The following AP3S2 variants were observed in gnomAD, a reference collection of about 807,000 sequenced individuals.
The protein encoded by AP3S2 is adaptor related protein complex 3 subunit sigma 2.
AP3S2 carries 22 observed loss-of-function variants against 23.4 expected under a neutral mutation model. That is an observed-to-expected ratio of 0.94 (90% CI 0.67 to 1.34). The LOEUF (loss-of-function observed/expected upper bound fraction) is 1.34. Among genes scored for constraint, AP3S2 ranks in the 40% most tolerant of loss-of-function variants. AP3S2 has a pLI of 0.00. For synonymous variants in AP3S2, 86 were observed against 87.1 expected, an observed-to-expected ratio of 0.99 and a Z score of 0.07; for missense variants, 241 against 236.9, an observed-to-expected ratio of 1.02 and a Z score of -0.11.
chr15:89,873,763 A>G (rs1456786121), intron 3 of AP3S2, among the ~76,000 whole-genome samples: 1 of 150,716 alleles, frequency 6.6e-6, no homozygotes, highest in East Asian at 2.0e-4. Context: ...CAAGGCTGTG[A>G]GTGTTTTTGT....
intron 3 of AP3S2, among the ~76,000 whole-genome samples, chr15:89,874,928 CA>C (rs575055482): frequency 1.4e-4 from 21 of 152,178 alleles, no homozygotes; most frequent in Non-Finnish European, 2.1e-4. Context: ...GGGGAAAAGA[CA>C]AGCTAACTGA....
At chr15:89,887,400 C>T (rs899743270) in intron 3 of AP3S2, among the ~76,000 whole-genome samples, 3 of 151,804 alleles carry the variant, frequency 2.0e-5, no homozygotes, top group African/African-American at 7.3e-5. Flanking sequence ...GAGACGGAGT[C>T]TCGCCCTGTC....
rs369787936 is a variant in AP3S2, at chr15:89,893,836, T to C, written c.69+45A>G. 1,243 of 1,548,236 alleles carry C rather than the reference T, an allele frequency of 8.0e-4. 6 individuals are homozygous for C. In the African/African-American group the frequency reaches 0.013, roughly 17 times the overall value. On this transcript the variant is annotated intron_variant, in intron 1 of 5. Transcript: ENST00000336418. ...GAGAGGCCAAAGAGGAGGGAAGACA[T>C]AGTGGGCGCCCTGAAGGGGCGTGGT...
At position 89,888,976 on chromosome 15, in the gene AP3S2, C is replaced by T. The variant is rs961872727; in HGVS notation, c.161+73G>A. On this transcript the variant is annotated intron_variant, in intron 2 of 5. Coordinates refer to ENST00000336418, the MANE Select transcript of AP3S2 (RefSeq NM_005829.5). ...CAAGTACCCACCTGACACTTGAGTA[C>T]TGTCAGAAGATGCAATAATGAAGGC... The T allele has an allele frequency of 2.6e-6, 4 of 1,558,638 alleles. No homozygotes were observed. The African/African-American group carries it at 5.4e-5, about 21-fold the overall frequency.
At position 89,835,623 on chromosome 15, in the gene AP3S2, A is replaced by T; in HGVS notation, c.474T>A (p.Pro158=). ...EKSEGGLSAA[P]ARAVSAVKNI... The stretch of plus-strand genomic sequence containing the variant: ...TTTTCACAGCAGACACAGCCCGCGC[A>T]GGGGCTGCTGAAAGGCCACCCTAAG... The change falls in exon 6 of 6, where the codon CCT becomes CCA. Residue 158 remains proline, a synonymous_variant. Coordinates refer to ENST00000336418, the MANE Select transcript of AP3S2 (RefSeq NM_005829.5). 6 of 1,608,416 alleles carry T rather than the reference A, an allele frequency of 3.7e-6. No homozygotes were observed. Among genetic ancestry groups the T allele is most frequent in the Non-Finnish European group, 4.2e-6 (5 of 1,177,278 alleles).
intron 4 of AP3S2, 41 bp from the exon 5 acceptor site, chr15:89,837,763 G>A (rs758842886): frequency 1.9e-6 from 3 of 1,609,186 alleles, no homozygotes; most frequent in East Asian, 4.5e-5. Context: ...ATACTCTGTG[G>A]TGGTCAGAGT....
intron 1 of AP3S2, chr15:89,889,484 T>C: frequency 8.7e-6 from 2 of 230,562 alleles, no homozygotes. Context: ...CTGAAATATT[T>C]TGTCTTCCCC....
chr15:89,889,936 T>A (rs1896782450), intron 1 of AP3S2, among the ~76,000 whole-genome samples: 1 of 144,238 alleles, frequency 6.9e-6, no homozygotes, highest in African/African-American at 2.6e-5. Context: ...TATTGGCAAA[T>A]ACAGCTGCCA....
chr15:89,867,148 G>C (rs936809972), intron 4 of AP3S2, among the ~76,000 whole-genome samples: 19 of 148,628 alleles, frequency 1.3e-4, no homozygotes, highest in Non-Finnish European at 2.0e-4. Flanking sequence ...TCAGCCTGCC[G>C]AGTGCCTGCG....
At chr15:89,871,850 TACAATC>T (rs1896326473) in intron 3 of AP3S2, among the ~76,000 whole-genome samples, 1 of 152,102 alleles carries the variant, frequency 6.6e-6, no homozygotes. Context: ...GGCTCATACT[TACAATC>T]TCAGCACTTT....
intron 5 of AP3S2, 142 bp from the exon 6 acceptor site, chr15:89,835,785 T>A (rs1895177089): frequency 4.5e-6 from 6 of 1,337,292 alleles, no homozygotes; most frequent in Non-Finnish European, 5.9e-6. Flanking sequence ...CCCAGCACTT[T>A]GGGAGGCCGA....
At chr15:89,885,973 CTAT>C (rs935699931) in intron 3 of AP3S2, among the ~76,000 whole-genome samples, 5 of 150,974 alleles carry the variant, frequency 3.3e-5, no homozygotes, top group Non-Finnish European at 7.4e-5. Context: ...TTTTTAGTTC[CTAT>C]TATTTTTACA....
At chr15:89,847,818 A>G (rs1895533914) in intron 4 of AP3S2, among the ~76,000 whole-genome samples, 1 of 152,348 alleles carries the variant, frequency 6.6e-6, no homozygotes, top group African/African-American at 2.4e-5. Context: ...TATAAAGGTA[A>G]TAAGTAAGAT....
rs1484325036 is a variant in AP3S2, at chr15:89,833,339, C to T, written c.*2176G>A. 1.3e-5 allele frequency: 2 copies of T among 152,102 alleles called. No individual in the cohort carries two copies. Among genetic ancestry groups the T allele is most frequent in the Non-Finnish European group, 2.9e-5 (2 of 68,034 alleles). 9.4% of individuals were successfully genotyped at this position (152,102 alleles called of 1,614,324 possible). On this transcript the variant is annotated 3_prime_UTR_variant, in exon 6 of 6. Coordinates refer to ENST00000336418, the MANE Select transcript of AP3S2 (RefSeq NM_005829.5). ...ACTCTCTGAGGCTCAGTTTCCTTATCTATAAAAAAGAAGATGATAACATTG... is the reference window on the plus strand; with the variant it reads ...ACTCTCTGAGGCTCAGTTTCCTTATTTATAAAAAAGAAGATGATAACATTG...
At chr15:89,866,439 G>T (rs1400923127) in intron 4 of AP3S2, among the ~76,000 whole-genome samples, 2 of 151,322 alleles carry the variant, frequency 1.3e-5, no homozygotes, top group Non-Finnish European at 2.9e-5. Flanking sequence ...TATCCCACAG[G>T]TCCCTAAGTT....
chr15:89,876,372 TCACACCACTG>T (rs1209498307), intron 3 of AP3S2, among the ~76,000 whole-genome samples: 1 of 151,214 alleles, frequency 6.6e-6, no homozygotes, highest in Non-Finnish European at 1.5e-5. Context: ...TGAGCTGAGG[TCACACCACTG>T]CACTCCAGCC....
chr15:89,868,723 C>G (rs1186899357), intron 4 of AP3S2, among the ~76,000 whole-genome samples: 6 of 120,014 alleles, frequency 5.0e-5, no homozygotes, highest in African/African-American at 2.1e-4. Context: ...CGGCCAGCCG[C>G]CCCGTCTGGG....
intron 3 of AP3S2, chr15:89,877,438 C>T: frequency 7.9e-7 from 1 of 1,265,330 alleles, no homozygotes. Flanking sequence ...TGGTAAAATA[C>T]ACGTAACATA....
At chr15:89,855,785 GGTT>G (rs1366852766) in intron 4 of AP3S2, among the ~76,000 whole-genome samples, 10 of 146,276 alleles carry the variant, frequency 6.8e-5, no homozygotes, top group South Asian at 4.4e-4. Flanking sequence ...AGGAGGCAGA[GGTT>G]GTTGTGAGCT....
Sources: allele counts gnomAD v4.1 joint callset (sites outside exome capture counted in the v4.1 genomes callset), GRCh38; gene constraint gnomAD v4.1.1; transcripts MANE v1.5; gene names NCBI Gene and HGNC (gene_info 2026-07-23, HGNC 2026-07-21).